MYO16: variants seen among roughly 807,000 people sequenced by gnomAD.
The protein encoded by MYO16 is myosin XVI, also known as unconventional myosin-XVI.
MYO16 carries 94 observed loss-of-function variants against 205.3 expected under a neutral mutation model. The ratio of observed to expected loss-of-function variants is 0.46; its 90% CI spans 0.39 to 0.54. MYO16 has a LOEUF of 0.54. MYO16 is among the 20% of genes least tolerant of loss of function. MYO16 has a pLI of 0.00. For synonymous variants in MYO16, 988 were observed against 954.0 expected, an observed-to-expected ratio of 1.04 and a Z score of -0.66; for missense variants, 2,315 against 2,387.5, an observed-to-expected ratio of 0.97 and a Z score of 0.63.
At position 109,197,131 on chromosome 13, in the gene MYO16, C is replaced by T. The variant is rs551290247; in HGVS notation, c.5416-9478C>T. On this transcript the variant is annotated intron_variant, in intron 34 of 34. Transcript: ENST00000457511. The stretch of plus-strand genomic sequence containing the variant: ...CCCTCTCCTTCAGCGGCTCCGCCCA[C>T]TAGCCATTCAGATCTATTTAGGCAT... Among the ~76,000 whole-genome samples, 3 of 152,324 alleles carry T rather than the reference C, an allele frequency of 2.0e-5. No homozygotes were observed. The South Asian group carries it at 6.2e-4, about 32-fold the overall frequency.
intron 12 of MYO16, among the ~76,000 whole-genome samples, chr13:108,869,541 G>A (rs943381848): frequency 4.1e-5 from 6 of 146,928 alleles, no homozygotes; most frequent in Non-Finnish European, 7.5e-5. Context: ...TGGCTAACAC[G>A]ATGAAACCCC....
intron 1 of MYO16, among the ~76,000 whole-genome samples, chr13:108,640,745 T>C (rs1264815287): frequency 6.6e-6 from 1 of 152,204 alleles, no homozygotes; most frequent in Non-Finnish European, 1.5e-5. Flanking sequence ...TTTAAAACTT[T>C]TGGCATCCTA....
chr13:108,996,660 A>G (rs1289742846), intron 21 of MYO16, among the ~76,000 whole-genome samples: 3 of 152,168 alleles, frequency 2.0e-5, no homozygotes, highest in African/African-American at 7.2e-5. Context: ...ATAGGTTGGT[A>G]CTTACTGATG....
chr13:109,140,102 C>T lies in MYO16; in HGVS notation c.4052-162C>T, dbSNP rs954821785. On this transcript the variant is annotated intron_variant, in intron 31 of 34. Transcript: ENST00000457511. This position sits in a 1 kb window ranked among gnomAD's most constrained non-coding sequence, Gnocchi z 8.0. ...TTTCTTGGGGGTGGTCTCAGGAGTT[C>T]GGGTTCAGCCAGGGAGCCTAGTGGG... 2.6e-5 allele frequency among the ~76,000 whole-genome samples: 4 copies of T among 152,012 alleles called. No homozygotes were observed. Among genetic ancestry groups the T allele is most frequent in the Middle Eastern group, 3.4e-3 (1 of 294 alleles).
chr13:109,160,121 G>A (rs1878304541), intron 32 of MYO16, among the ~76,000 whole-genome samples: 1 of 152,192 alleles, frequency 6.6e-6, no homozygotes, highest in Non-Finnish European at 1.5e-5. Context: ...CCAGACGTCA[G>A]TAGCACACCC....
At position 109,019,194 on chromosome 13, in the gene MYO16, G is replaced by T. The variant is rs1885937059; in HGVS notation, c.2596-517G>T. Among the ~76,000 whole-genome samples, 3 of 152,082 alleles carry T rather than the reference G, an allele frequency of 2.0e-5. No individual in the cohort carries two copies. The South Asian group carries it at 6.2e-4, about 32-fold the overall frequency. ...AGGTCTTACCATGTTTCCCAGGCTG[G>T]TCTCAAACTCCTGAGCTCAATGACC... On this transcript the variant is annotated intron_variant, in intron 22 of 34. Transcript: ENST00000457511.
At chr13:109,176,619 T>G (rs1049637526) in intron 33 of MYO16, among the ~76,000 whole-genome samples, 3 of 103,252 alleles carry the variant, frequency 2.9e-5, no homozygotes, top group African/African-American at 7.1e-5. Flanking sequence ...TTTGCACCTT[T>G]GGCGCTTCCT....
chr13:108,768,302 T>C (rs1054977763), intron 4 of MYO16, among the ~76,000 whole-genome samples: 2 of 152,176 alleles, frequency 1.3e-5, no homozygotes, highest in Non-Finnish European at 2.9e-5. Flanking sequence ...ACTGCCTTGA[T>C]GAATGCAAGG....
At chr13:108,720,721 G>A (rs545683868) in intron 3 of MYO16, among the ~76,000 whole-genome samples, 2 of 152,290 alleles carry the variant, frequency 1.3e-5, no homozygotes, top group Non-Finnish European at 2.9e-5. Flanking sequence ...CCACTACAGA[G>A]AAGAGAAGGG....
intron 31 of MYO16, among the ~76,000 whole-genome samples, chr13:109,139,059 A>G (rs1451740178): frequency 6.6e-6 from 1 of 152,064 alleles, no homozygotes; most frequent in Non-Finnish European, 1.5e-5. Context: ...ACCTCAAGTG[A>G]TCTGCCCACC....
At chr13:108,553,688 T>C in the MYO16 span, among the ~76,000 whole-genome samples, 1 of 152,196 alleles carries the variant, frequency 6.6e-6, no homozygotes, top group African/African-American at 2.4e-5. Context: ...ACAAATAGTA[T>C]ATTTCCAGTT....
chr13:108,645,924 C>A (rs1444928518), intron 1 of MYO16, among the ~76,000 whole-genome samples: 1 of 152,160 alleles, frequency 6.6e-6, no homozygotes, highest in Non-Finnish European at 1.5e-5. Context: ...CATAAGTAGT[C>A]CTGCCCCAGG....
chr13:109,124,359 G>A (rs1181220426), intron 29 of MYO16, among the ~76,000 whole-genome samples: 3 of 152,148 alleles, frequency 2.0e-5, no homozygotes, highest in Non-Finnish European at 2.9e-5. Context: ...TGACCTGGAG[G>A]AACTTTCTTA....
intron 27 of MYO16, among the ~76,000 whole-genome samples, chr13:109,080,993 A>G (rs987155152): frequency 6.6e-6 from 1 of 152,128 alleles, no homozygotes. Flanking sequence ...AACAATATTT[A>G]TCTATTTCAA....
At chr13:109,060,851 T>C (rs1887570853) in intron 27 of MYO16, among the ~76,000 whole-genome samples, 1 of 152,166 alleles carries the variant, frequency 6.6e-6, no homozygotes, top group South Asian at 2.1e-4. Context: ...TGAAGCCAGG[T>C]ATTGTCCCAT....
the MYO16 span, among the ~76,000 whole-genome samples, chr13:108,575,733 T>C: frequency 6.6e-6 from 1 of 152,342 alleles, no homozygotes; most frequent in African/African-American, 2.4e-5. Context: ...CGCCCGCGTA[T>C]ACATTTCTTC....
chr13:109,017,666 T>TA (rs1885875219), intron 22 of MYO16, among the ~76,000 whole-genome samples: 1 of 152,194 alleles, frequency 6.6e-6, no homozygotes, highest in African/African-American at 2.4e-5. Flanking sequence ...CATTTCTTTT[T>TA]ACTCTTTTTT....
intron 4 of MYO16, among the ~76,000 whole-genome samples, chr13:108,759,813 C>A (rs1885545236): frequency 1.7e-5 from 2 of 118,868 alleles, no homozygotes; most frequent in Non-Finnish European, 3.7e-5. Flanking sequence ...CAGCGAGACT[C>A]CGTCTCAAAA....
intron 11 of MYO16, among the ~76,000 whole-genome samples, chr13:108,862,433 T>G (rs1023350749): frequency 3.3e-5 from 5 of 152,290 alleles, no homozygotes; most frequent in Middle Eastern, 6.8e-3. Context: ...ATATTACCCA[T>G]GTGGAAAAGA....
Sources: gnomAD v4.1 joint callset for allele counts (sites outside exome capture counted in the v4.1 genomes callset) on GRCh38, gnomAD v4.1.1 for gene constraint, Gnocchi (gnomAD v3.1) non-coding constraint, MANE v1.5 for transcripts, NCBI Gene and HGNC (gene_info 2026-07-23, HGNC 2026-07-21) for gene names.